Variants in DHX57 observed in about 807,000 individuals in gnomAD.
DHX57 encodes putative ATP-dependent RNA helicase DHX57.
Under a neutral mutation model 156.2 loss-of-function variants are expected in DHX57, and 105 were observed. That is an observed-to-expected ratio of 0.67 (90% CI 0.57 to 0.79). The LOEUF is 0.79. Among genes scored for constraint, DHX57 ranks in the 30% least tolerant of loss-of-function variants. The pLI is 0.00. For synonymous variants in DHX57, 704 were observed against 595.6 expected (o/e 1.18, Z -2.65); for missense variants, 1,847 against 1,661.9 (o/e 1.11, Z -1.94).
Position 38,862,342 on chromosome 2 carries a change from G to C in DHX57, c.384-9C>G, listed in dbSNP as rs779629043. ...CCCCAGAAAGGCCTCTTCTAGCAAAGGCAACATTTTCATATATTAGATATT... is the reference window on the plus strand; with the variant it reads ...CCCCAGAAAGGCCTCTTCTAGCAAACGCAACATTTTCATATATTAGATATT... On this transcript the variant is annotated splice_polypyrimidine_tract_variant and intron_variant, in intron 3 of 23. Coordinates refer to ENST00000457308, the MANE Select transcript of DHX57 (RefSeq NM_198963.3). 6.5e-7 allele frequency: 1 copy of C among 1,549,530 alleles called. No individual in the cohort carries two copies. The highest frequency in any genetic ancestry group is 8.7e-7 in the Non-Finnish European group (1 of 1,143,112).
chr2:38,801,783 G>C (rs914138290), intron 23 of DHX57, among the ~76,000 whole-genome samples: 8 of 152,084 alleles, frequency 5.3e-5, no homozygotes, highest in African/African-American at 1.9e-4. Flanking sequence ...TTTTAGTAGA[G>C]ATGGGGTTTC....
chr2:38,815,431 G>C (rs1285597785), intron 20 of DHX57, 90 bp downstream of exon 20: 25 of 1,536,838 alleles, frequency 1.6e-5, no homozygotes, highest in Non-Finnish European at 2.0e-5. Flanking sequence ...AAAGGCTTAA[G>C]TGAAGAAGAA....
intron 9 of DHX57, among the ~76,000 whole-genome samples, chr2:38,850,149 C>G (rs529518107): frequency 7.6e-4 from 115 of 152,186 alleles, no homozygotes; most frequent in African/African-American, 2.6e-3. Context: ...GGTCAGAAAA[C>G]AAAAGTAACT....
intron 23 of DHX57, among the ~76,000 whole-genome samples, chr2:38,802,162 A>AT (rs1364689705): frequency 6.6e-6 from 1 of 152,060 alleles, no homozygotes; most frequent in African/African-American, 2.4e-5. Flanking sequence ...CTAGCCTTTT[A>AT]TACTAACCTC....
chr2:38,807,175 C>G (rs996742164), intron 21 of DHX57, among the ~76,000 whole-genome samples: 1 of 151,736 alleles, frequency 6.6e-6, no homozygotes, highest in African/African-American at 2.4e-5. Flanking sequence ...CTGCATTAGG[C>G]TCCCAAGTAG....
chr2:38,799,979 G>C (rs1416117123), intron 23 of DHX57, among the ~76,000 whole-genome samples: 1 of 151,926 alleles, frequency 6.6e-6, no homozygotes, highest in Non-Finnish European at 1.5e-5. Context: ...CCTGAGGTCG[G>C]GAGTTCAAGA....
chr2:38,865,128 T>C (rs572705402), intron 2 of DHX57, among the ~76,000 whole-genome samples: 15 of 152,336 alleles, frequency 9.8e-5, no homozygotes, highest in Admixed American at 2.0e-4. Context: ...GCTTTATTTA[T>C]TTTTTAACTA....
intron 13 of DHX57, among the ~76,000 whole-genome samples, chr2:38,832,942 G>A (rs1322002477): frequency 2.6e-5 from 4 of 151,162 alleles, no homozygotes; most frequent in African/African-American, 4.9e-5. Context: ...CACTGTTCTA[G>A]GGTCTGAGAA....
At position 38,823,031 on chromosome 2, in the gene DHX57, G is replaced by T. The variant is rs150390945; in HGVS notation, c.3253C>A (p.Leu1085Ile). The T allele has an allele frequency of 1.2e-6, 2 of 1,614,040 alleles. No individual in the cohort carries two copies. Among genetic ancestry groups the T allele is most frequent in the African/African-American group, 2.7e-5 (2 of 74,922 alleles). ...AAAGCCAAACTGGCAGCAATGGTGA[G>T]AGCAGGATCCAAACAGCGGAAGATA... ...GSIFRCLDPALTIAASLAFKS... is the reference protein window; with the variant it reads ...GSIFRCLDPAITIAASLAFKS... The change falls in exon 17 of 24, where the codon CTC becomes ATC. Residue 1085 changes from leucine (L) to isoleucine (I), a missense_variant. Coordinates refer to ENST00000457308, the MANE Select transcript of DHX57 (RefSeq NM_198963.3).
At chr2:38,852,703 C>T (rs1672668582) in intron 9 of DHX57, among the ~76,000 whole-genome samples, 1 of 151,414 alleles carries the variant, frequency 6.6e-6, no homozygotes, top group Non-Finnish European at 1.5e-5. Flanking sequence ...CAGCCTTGCA[C>T]TCCTGAACTT....
chr2:38,842,918 T>A, intron 12 of DHX57, 87 bp downstream of exon 12: 1 of 1,399,970 alleles, frequency 7.1e-7, no homozygotes, highest in Non-Finnish European at 9.9e-7. Context: ...GAAACAAGAA[T>A]CATATTTTTC....
intron 1 of DHX57, among the ~76,000 whole-genome samples, chr2:38,869,401 T>C (rs1217847309): frequency 6.6e-6 from 1 of 152,218 alleles, no homozygotes; most frequent in Non-Finnish European, 1.5e-5. Flanking sequence ...GTTGGCCAAC[T>C]AGTTTGCAGG....
intron 1 of DHX57, among the ~76,000 whole-genome samples, chr2:38,872,342 C>T (rs72797392): frequency 0.049 from 7,394 of 152,172 alleles, 358 homozygotes; most frequent in African/African-American, 0.13. Context: ...GAAATACAGA[C>T]ATCCAAAAGT....
chr2:38,864,245 T>TA lies in DHX57; in HGVS notation c.225-727dup, dbSNP rs146547256. Among the ~76,000 whole-genome samples, 505 of 132,906 alleles carry TA rather than the reference T, an allele frequency of 3.8e-3. 8 individuals are homozygous for TA. The highest frequency in any genetic ancestry group is 0.012 in the African/African-American group (416 of 34,526). The allele number at this position is 132,906 out of a possible 152,430, so 87.2% of individuals were successfully genotyped here. A position where few individuals can be genotyped will look rare whatever the true frequency, so the allele number is the denominator to read the frequency against. ...CCCAATTATCTTTATTTCTGATTAT[T>TA]AAAAAAAAAAAAAAAAAGGCCAGGG... On this transcript the variant is annotated intron_variant, in intron 2 of 23. Coordinates refer to ENST00000457308, the MANE Select transcript of DHX57 (RefSeq NM_198963.3).
At chr2:38,836,661 C>A (rs1327615718) in intron 13 of DHX57, among the ~76,000 whole-genome samples, 1 of 151,312 alleles carries the variant, frequency 6.6e-6, no homozygotes, top group Non-Finnish European at 1.5e-5. Flanking sequence ...GTAGTCCCAG[C>A]TACTTGGGAA....
chr2:38,807,958 T>TG (rs1296176938), intron 21 of DHX57, among the ~76,000 whole-genome samples: 1 of 130,126 alleles, frequency 7.7e-6, no homozygotes, highest in African/African-American at 2.9e-5. Flanking sequence ...TTTTTTTTTT[T>TG]TTTTTTTTTT....
intron 1 of DHX57, among the ~76,000 whole-genome samples, chr2:38,873,186 T>C (rs1478780978): frequency 2.6e-5 from 4 of 152,184 alleles, no homozygotes. Context: ...AGATGGTGTT[T>C]CACCATGTTG....
At chr2:38,824,083 T>C (rs1468342571) in intron 16 of DHX57, among the ~76,000 whole-genome samples, 1 of 151,824 alleles carries the variant, frequency 6.6e-6, no homozygotes, top group African/African-American at 2.4e-5. Flanking sequence ...TTATTCACAA[T>C]ACCCAAGATG....
intron 17 of DHX57, 85 bp downstream of exon 17, chr2:38,822,908 A>G: frequency 7.4e-7 from 1 of 1,345,442 alleles, no homozygotes; most frequent in Non-Finnish European, 9.7e-7. Flanking sequence ...TAGGGGGCTC[A>G]CATGCCCTTG....
Sources: gnomAD v4.1 joint callset for allele counts (sites outside exome capture counted in the v4.1 genomes callset) on GRCh38, gnomAD v4.1.1 for gene constraint, MANE v1.5 for transcripts, NCBI Gene and HGNC (gene_info 2026-07-23, HGNC 2026-07-21) for gene names.